ATP8A2: variants seen among roughly 807,000 people sequenced by gnomAD.
ATP8A2 encodes phospholipid-transporting ATPase IB.
Under a neutral mutation model 165.6 loss-of-function variants are expected in ATP8A2, and 100 were observed. That is an observed-to-expected ratio of 0.60 (90% CI 0.51 to 0.71). The LOEUF (loss-of-function observed/expected upper bound fraction) is 0.71. Among genes scored for constraint, ATP8A2 ranks in the 30% least tolerant of loss-of-function variants. ATP8A2 has a pLI of 0.00. For missense variants in ATP8A2, 1,227 were observed against 1,479.5 expected (o/e 0.83, Z 2.80); for synonymous variants, 543 against 548.8 (o/e 0.99, Z 0.15).
At chr13:25,975,837 T>A (rs1956023650) in intron 35 of ATP8A2, among the ~76,000 whole-genome samples, 1 of 152,236 alleles carries the variant, frequency 6.6e-6, no homozygotes, top group Middle Eastern at 3.4e-3. Flanking sequence ...CTTTATAACA[T>A]CTGTGATACA....
intron 24 of ATP8A2, among the ~76,000 whole-genome samples, chr13:25,622,038 C>G (rs1473456126): frequency 1.3e-5 from 2 of 151,858 alleles, no homozygotes; most frequent in African/African-American, 4.8e-5. Flanking sequence ...AAAAACATCT[C>G]TGCTAAAAAC....
At chr13:25,650,855 G>A (rs1445327085) in intron 24 of ATP8A2, among the ~76,000 whole-genome samples, 1 of 152,064 alleles carries the variant, frequency 6.6e-6, no homozygotes, top group Non-Finnish European at 1.5e-5. Flanking sequence ...TGGTCATGAT[G>A]TGTTACTTTT....
intron 25 of ATP8A2, among the ~76,000 whole-genome samples, chr13:25,740,400 T>C (rs1593277251): frequency 6.6e-6 from 1 of 151,870 alleles, no homozygotes. Context: ...AATTTCACCA[T>C]TTAAGAGATA....
At chr13:25,960,013 T>C (rs1593630097) in intron 33 of ATP8A2, among the ~76,000 whole-genome samples, 1 of 152,370 alleles carries the variant, frequency 6.6e-6, no homozygotes, top group African/African-American at 2.4e-5. Context: ...ATTTTGACTC[T>C]TTTCCTGTAA....
At chr13:25,870,187 G>A (rs886613352) in intron 33 of ATP8A2, among the ~76,000 whole-genome samples, 3 of 152,166 alleles carry the variant, frequency 2.0e-5, no homozygotes, top group Non-Finnish European at 4.4e-5. Flanking sequence ...GCCTGTCCGT[G>A]CATTCCTCTA....
intron 27 of ATP8A2, among the ~76,000 whole-genome samples, chr13:25,796,239 G>A (rs902024819): frequency 3.9e-5 from 6 of 152,262 alleles, no homozygotes; most frequent in African/African-American, 1.2e-4. Context: ...ACGAGCCACC[G>A]CGCCCGGCCC....
intron 24 of ATP8A2, among the ~76,000 whole-genome samples, chr13:25,597,887 A>T (rs1417491793): frequency 1.3e-5 from 2 of 151,894 alleles, no homozygotes; most frequent in Non-Finnish European, 2.9e-5. Flanking sequence ...TGAAGTCAAA[A>T]TTTCTTTCTC....
At chr13:25,911,697 C>G (rs1954111408) in intron 33 of ATP8A2, among the ~76,000 whole-genome samples, 1 of 152,154 alleles carries the variant, frequency 6.6e-6, no homozygotes, top group Non-Finnish European at 1.5e-5. Context: ...CAGGAAAACA[C>G]AAGGTTTATT....
chr13:25,668,927 G>A (rs558005062), intron 24 of ATP8A2, among the ~76,000 whole-genome samples: 2 of 152,074 alleles, frequency 1.3e-5, no homozygotes, highest in African/African-American at 4.8e-5. Context: ...TTAGCTATTT[G>A]CTTATACATT....
At chr13:25,875,857 T>C (rs896027119) in intron 33 of ATP8A2, among the ~76,000 whole-genome samples, 1 of 152,208 alleles carries the variant, frequency 6.6e-6, no homozygotes, top group African/African-American at 2.4e-5. Flanking sequence ...ATGGGTATTT[T>C]TGAGCACCTA....
chr13:25,954,636 C>A (rs1289467928), intron 33 of ATP8A2, among the ~76,000 whole-genome samples: 1 of 152,144 alleles, frequency 6.6e-6, no homozygotes, highest in South Asian at 2.1e-4. Flanking sequence ...GGCGGGTGCC[C>A]CTCTGGGATG....
intron 33 of ATP8A2, among the ~76,000 whole-genome samples, chr13:25,889,643 G>A (rs1417893850): frequency 1.3e-5 from 2 of 151,746 alleles, no homozygotes; most frequent in Non-Finnish European, 2.9e-5. Context: ...TGACCTTCAC[G>A]GTGGTCAGTC....
intron 33 of ATP8A2, among the ~76,000 whole-genome samples, chr13:25,870,399 G>A (rs920263007): frequency 6.6e-6 from 1 of 152,186 alleles, no homozygotes; most frequent in South Asian, 2.1e-4. Flanking sequence ...CAGGCCTGGG[G>A]GTGGAGCCCT....
At chr13:25,734,059 A>G (rs2043713498) in intron 25 of ATP8A2, among the ~76,000 whole-genome samples, 1 of 152,176 alleles carries the variant, frequency 6.6e-6, no homozygotes, top group Non-Finnish European at 1.5e-5. Flanking sequence ...TTCATGTTAC[A>G]TTTCTTCTTT....
intron 35 of ATP8A2, among the ~76,000 whole-genome samples, chr13:26,012,172 G>A (rs1956862776): frequency 6.6e-6 from 1 of 152,194 alleles, no homozygotes; most frequent in Non-Finnish European, 1.5e-5. Context: ...ACCCCGTGCA[G>A]GCAGGGGGCT....
intron 2 of ATP8A2, among the ~76,000 whole-genome samples, chr13:25,477,320 C>T (rs2036022666): frequency 6.6e-6 from 1 of 152,172 alleles, no homozygotes; most frequent in Admixed American, 6.5e-5. Context: ...CTGCTGTGAA[C>T]TTGGAAGCAT....
At chr13:25,967,102 G>A (rs948625820) in intron 34 of ATP8A2, among the ~76,000 whole-genome samples, 1 of 152,132 alleles carries the variant, frequency 6.6e-6, no homozygotes, top group Non-Finnish European at 1.5e-5. Context: ...CCACTTTTGG[G>A]GCCCCACATG....
intron 35 of ATP8A2, among the ~76,000 whole-genome samples, chr13:26,007,946 G>A (rs1956775779): frequency 6.6e-6 from 1 of 152,116 alleles, no homozygotes; most frequent in African/African-American, 2.4e-5. Context: ...GATTGACAGA[G>A]AAGCAATGAG....
intron 36 of ATP8A2, among the ~76,000 whole-genome samples, chr13:26,019,151 T>C (rs1957044118): frequency 6.6e-6 from 1 of 152,100 alleles, no homozygotes; most frequent in Admixed American, 6.6e-5. Flanking sequence ...CCCAGCACTT[T>C]GGGAGGCCAA....
Sources: allele counts gnomAD v4.1 joint callset (sites outside exome capture counted in the v4.1 genomes callset), GRCh38; gene constraint gnomAD v4.1.1; transcripts MANE v1.5; gene names NCBI Gene and HGNC (gene_info 2026-07-23, HGNC 2026-07-21).